MTG1: variants seen among roughly 807,000 people sequenced by gnomAD.
MTG1 encodes the protein mitochondrial ribosome-associated GTPase 1.
Under a neutral mutation model 39.5 loss-of-function variants are expected in MTG1, and 30 were observed. The ratio of observed to expected loss-of-function variants is 0.76; its 90% CI spans 0.57 to 1.03. The LOEUF is 1.03. MTG1 is among the 50% of genes least tolerant of loss of function. MTG1 has a pLI of 0.00. For synonymous variants in MTG1, 217 were observed against 179.0 expected, an observed-to-expected ratio of 1.21 and a Z score of -1.69; for missense variants, 513 against 447.4, an observed-to-expected ratio of 1.15 and a Z score of -1.32.
intron 9 of MTG1, among the ~76,000 whole-genome samples, chr10:133,412,434 T>C (rs1275544240): frequency 6.6e-6 from 1 of 152,246 alleles, no homozygotes; most frequent in Non-Finnish European, 1.5e-5. Context: ...ATTAGCTCTT[T>C]GTAGATTCCA....
At chr10:133,412,549 TG>T (rs1257173340) in intron 9 of MTG1, among the ~76,000 whole-genome samples, 40 of 152,370 alleles carry the variant, frequency 2.6e-4, no homozygotes, top group African/African-American at 8.9e-4. Flanking sequence ...TTTATTGCAC[TG>T]GCTACAGTCT....
chr10:133,420,289 T>C lies in MTG1; in HGVS notation c.*124T>C. ...TGCTGGTCACTAGGGTGCTGTGCTCTCTGGCGCCCCACAGCCTGGCCAGCT... is the reference window on the plus strand; with the variant it reads ...TGCTGGTCACTAGGGTGCTGTGCTCCCTGGCGCCCCACAGCCTGGCCAGCT... On this transcript the variant is annotated 3_prime_UTR_variant, in exon 11 of 11. Coordinates refer to ENST00000317502, the MANE Select transcript of MTG1 (RefSeq NM_138384.4). 1 of 1,217,104 alleles carries C rather than the reference T, an allele frequency of 8.2e-7. No individual in the cohort carries two copies. Among genetic ancestry groups the C allele is most frequent in the Non-Finnish European group, 1.1e-6 (1 of 915,962 alleles). 75.4% of individuals were successfully genotyped at this position (1,217,104 alleles called of 1,614,324 possible).
Position 133,394,309 on chromosome 10 carries a change from G to C in MTG1, c.89G>C (p.Trp30Ser). ...CTGTGCGGTCGCGACGTGGCGCGCTGGTTCCCGGGCCACATGGCCAAGGGT... is the reference window on the plus strand; with the variant it reads ...CTGTGCGGTCGCGACGTGGCGCGCTCGTTCCCGGGCCACATGGCCAAGGGT... ...FPLCGRDVARWFPGHMAKGLK... is the reference protein window; with the variant it reads ...FPLCGRDVARSFPGHMAKGLK... The change falls in exon 1 of 11, where the codon TGG becomes TCG. Residue 30 changes from tryptophan (W) to serine (S), a missense_variant. Physicochemically the swap from Trp to Ser is radical, Grantham distance 177. Transcript: ENST00000317502. 6.6e-7 allele frequency: 1 copy of C among 1,516,270 alleles called. No homozygotes were observed. The allele number at this position is 1,516,270 out of a possible 1,614,324, so 93.9% of individuals were successfully genotyped here.
At chr10:133,419,842 C>A (rs534083770) in intron 10 of MTG1, among the ~76,000 whole-genome samples, 184 bp from the exon 11 acceptor site, 1 of 152,212 alleles carries the variant, frequency 6.6e-6, no homozygotes, top group Admixed American at 6.5e-5. Context: ...GCAGGCCTCA[C>A]ATGCCTGGCC....
At chr10:133,405,577 T>A (rs1197720398) in intron 9 of MTG1, among the ~76,000 whole-genome samples, 3 of 152,234 alleles carry the variant, frequency 2.0e-5, no homozygotes, top group Non-Finnish European at 2.9e-5. Context: ...CACATTTGAG[T>A]TAGAACATGC....
At position 133,420,143 on chromosome 10, in the gene MTG1, C is replaced by A. The variant is rs760701142; in HGVS notation, c.983C>A (p.Pro328His). 6.2e-7 allele frequency: 1 copy of A among 1,612,098 alleles called. No homozygotes were observed. The highest frequency in any genetic ancestry group is 1.7e-5 in the Admixed American group (1 of 59,860). ...MLDLDVLRGH[P>H]PAETLP ...GACCTCGACGTCCTGCGGGGCCACC[C>A]CCCGGCTGAGACTTTGCCCTGAACT... The change falls in exon 11 of 11, where the codon CCC becomes CAC. Residue 328 changes from proline (P) to histidine (H), a missense_variant. Physicochemically the swap from Pro to His is moderately conservative, Grantham distance 77. Coordinates refer to ENST00000317502, the MANE Select transcript of MTG1 (RefSeq NM_138384.4).
chr10:133,397,837 A>C (rs536104018), intron 3 of MTG1, among the ~76,000 whole-genome samples: 1 of 149,176 alleles, frequency 6.7e-6, no homozygotes, highest in Non-Finnish European at 1.5e-5. Flanking sequence ...CTTTTACGTC[A>C]TATCAGTGGC....
At chr10:133,400,175 G>A (rs1849852525) in intron 6 of MTG1, among the ~76,000 whole-genome samples, 1 of 151,964 alleles carries the variant, frequency 6.6e-6, no homozygotes, top group Middle Eastern at 3.4e-3. Flanking sequence ...CTGGGCGACA[G>A]AGCGAGACTC....
intron 9 of MTG1, among the ~76,000 whole-genome samples, chr10:133,409,375 G>C (rs1037408255): frequency 1.3e-5 from 2 of 152,060 alleles, no homozygotes. Flanking sequence ...CTGCTTTCTT[G>C]TTTTATTTCA....
chr10:133,414,023 A>C (rs1206639507), intron 9 of MTG1, among the ~76,000 whole-genome samples: 1 of 149,192 alleles, frequency 6.7e-6, no homozygotes, highest in African/African-American at 2.5e-5. Flanking sequence ...TAAACAAGTG[A>C]ACGAAGGTCT....
At chr10:133,419,929 A>G in intron 10 of MTG1, 97 bp from the exon 11 acceptor site, 2 of 1,390,174 alleles carry the variant, frequency 1.4e-6, no homozygotes, top group South Asian at 1.4e-5. Context: ...CCCTGATGCC[A>G]TCATGGAGCC....
chr10:133,421,463 C>G lies in MTG1; in HGVS notation c.*1298C>G, dbSNP rs1481826070. 1 of 152,822 alleles carries G rather than the reference C, an allele frequency of 6.5e-6. No individual in the cohort carries two copies. Among genetic ancestry groups the G allele is most frequent in the African/African-American group, 2.4e-5 (1 of 41,442 alleles). The allele number at this position is 152,822 out of a possible 1,614,324, so 9.5% of individuals were successfully genotyped here. A position where few individuals can be genotyped will look rare whatever the true frequency, so the allele number is the denominator to read the frequency against. On this transcript the variant is annotated 3_prime_UTR_variant, in exon 11 of 11. Coordinates refer to ENST00000317502, the MANE Select transcript of MTG1 (RefSeq NM_138384.4). ...TGGGTCTCTCTGCTGTGAGGAGACT[C>G]AGACCACCCCCTGCCTCCTGGGGGA... is the stretch of plus-strand genomic sequence containing the variant.
At chr10:133,397,798 A>G (rs61868273) in intron 3 of MTG1, among the ~76,000 whole-genome samples, 1,509 of 139,290 alleles carry the variant, frequency 0.011, 29 homozygotes, top group African/African-American at 0.039. Context: ...TTTTTTTTAA[A>G]TCATCGCAAG....
intron 9 of MTG1, among the ~76,000 whole-genome samples, chr10:133,416,232 T>C (rs1273721709): frequency 6.6e-6 from 1 of 152,068 alleles, no homozygotes; most frequent in Non-Finnish European, 1.5e-5. Flanking sequence ...TGGATCGTTT[T>C]AAAAAATATC....
intron 6 of MTG1, among the ~76,000 whole-genome samples, chr10:133,401,214 C>G (rs1335952269): frequency 1.3e-5 from 2 of 152,134 alleles, no homozygotes; most frequent in Non-Finnish European, 2.9e-5. Context: ...CCTTTCCAGT[C>G]CTGGGGAGTT....
chr10:133,395,642 C>T, intron 1 of MTG1, 71 bp from the exon 2 acceptor site: 10 of 1,427,540 alleles, frequency 7.0e-6, no homozygotes, highest in South Asian at 2.3e-5. Flanking sequence ...TCATTCTGGA[C>T]GGTTCAGCTT....
chr10:133,416,084 G>A (rs1181662151), intron 9 of MTG1, among the ~76,000 whole-genome samples: 1 of 136,604 alleles, frequency 7.3e-6, no homozygotes, highest in Non-Finnish European at 1.6e-5. Flanking sequence ...CCCCACCGCA[G>A]CTCAGTAAAG....
In MTG1 at chr10:133,402,095, A is replaced by G. The variant is rs1849885935; in HGVS notation, c.574-54A>G. ...GCTGCCCAGGCTTCCTGAGTGGCCC[A>G]CCTGGGTGGGAGGCTGCCACCGCGG... On this transcript the variant is annotated intron_variant, in intron 7 of 10. Transcript: ENST00000317502. The surrounding 1 kb of genome is among the most constrained non-coding windows in gnomAD (Gnocchi z 4.7). 6.2e-7 allele frequency: 1 copy of G among 1,609,444 alleles called. No individual in the cohort carries two copies. The highest frequency in any genetic ancestry group is 8.5e-7 in the Non-Finnish European group (1 of 1,177,498).
chr10:133,415,354 A>G (rs958312718), intron 9 of MTG1, among the ~76,000 whole-genome samples: 2 of 152,150 alleles, frequency 1.3e-5, no homozygotes, highest in African/African-American at 4.8e-5. Context: ...CAGGTTTGCT[A>G]GTGATGAATT....
Sources: allele counts gnomAD v4.1 joint callset (sites outside exome capture counted in the v4.1 genomes callset), GRCh38; gene constraint gnomAD v4.1.1; non-coding constraint Gnocchi (gnomAD v3.1); transcripts MANE v1.5; gene names NCBI Gene and HGNC (gene_info 2026-07-23, HGNC 2026-07-21).